The following UBXN2A variants were observed in gnomAD, a reference collection of about 807,000 sequenced individuals.
The protein encoded by UBXN2A is UBX domain-containing protein 2A.
UBXN2A carries 28 observed loss-of-function variants against 28.4 expected under a neutral mutation model. The ratio of observed to expected loss-of-function variants is 0.99; its 90% CI spans 0.73 to 1.35. The LOEUF is 1.35. UBXN2A is among the 40% of genes most tolerant of loss of function. UBXN2A has a pLI of 0.00. For synonymous variants in UBXN2A, 97 were observed against 103.6 expected (o/e 0.94, Z 0.39); for missense variants, 253 against 297.9 (o/e 0.85, Z 1.11).
At chr2:23,951,463 T>TATAC (rs1706367591) in intron 1 of UBXN2A, among the ~76,000 whole-genome samples, 1 of 129,686 alleles carries the variant, frequency 7.7e-6, no homozygotes, top group Non-Finnish European at 1.6e-5. Context: ...TATATATATA[T>TATAC]AGTTTTGTTT....
chr2:23,993,682 A>G lies in UBXN2A; in HGVS notation c.585-5990A>G, dbSNP rs537711815. ...TGCTTAGTATCTCTTAAATTTTTTT[A>G]ATTTTTTAATTTTTTTTTTTTTTCA... is the stretch of plus-strand genomic sequence containing the variant. On this transcript the variant is annotated intron_variant, in intron 6 of 6. Transcript: ENST00000309033. 1.0e-3 allele frequency among the ~76,000 whole-genome samples: 149 copies of G among 143,752 alleles called. 1 individual carries two copies. The highest frequency in any genetic ancestry group is 3.5e-3 in the African/African-American group (141 of 39,938). The allele number at this position is 143,752 out of a possible 152,430, so 94.3% of individuals were successfully genotyped here.
At chr2:23,977,108 A>T (rs1218958779) in intron 4 of UBXN2A, 33 bp downstream of exon 4, 1 of 1,561,602 alleles carries the variant, frequency 6.4e-7, no homozygotes, top group Non-Finnish European at 8.8e-7. Flanking sequence ...TCAAGCCTGT[A>T]AACCCAAAAC....
intron 1 of UBXN2A, among the ~76,000 whole-genome samples, chr2:23,947,176 A>G (rs928270676): frequency 6.6e-6 from 1 of 152,116 alleles, no homozygotes; most frequent in African/African-American, 2.4e-5. Context: ...GGGGTGCACC[A>G]CTGTGCCTGG....
At chr2:23,946,224 G>T (rs1291131111) in intron 1 of UBXN2A, among the ~76,000 whole-genome samples, 1 of 152,010 alleles carries the variant, frequency 6.6e-6, no homozygotes, top group East Asian at 1.9e-4. Flanking sequence ...TGCAATCTCA[G>T]TTCACTGCAA....
intron 1 of UBXN2A, among the ~76,000 whole-genome samples, chr2:23,928,382 C>T (rs1178337543): frequency 6.6e-6 from 1 of 152,074 alleles, no homozygotes; most frequent in African/African-American, 2.4e-5. Context: ...TCGAGACCAA[C>T]CTGGCCAACA....
intron 6 of UBXN2A, among the ~76,000 whole-genome samples, chr2:23,994,597 C>G (rs555074935): frequency 1.3e-3 from 205 of 152,294 alleles, no homozygotes; most frequent in African/African-American, 4.7e-3. Flanking sequence ...TTCTTACTTT[C>G]AATTCTACTG....
At chr2:23,977,128 C>A in intron 4 of UBXN2A, 53 bp downstream of exon 4, 1 of 1,448,500 alleles carries the variant, frequency 6.9e-7, no homozygotes, top group Non-Finnish European at 9.6e-7. Flanking sequence ...CTTTGGCAGG[C>A]TGTGGCGAGA....
At chr2:23,934,473 C>T (rs1357168332) in intron 1 of UBXN2A, among the ~76,000 whole-genome samples, 1 of 152,132 alleles carries the variant, frequency 6.6e-6, no homozygotes, top group Non-Finnish European at 1.5e-5. Flanking sequence ...AAGATGCTCA[C>T]TTGGTTTCTG....
intron 2 of UBXN2A, among the ~76,000 whole-genome samples, chr2:23,960,549 G>A (rs542620654): frequency 6.6e-5 from 10 of 152,034 alleles, no homozygotes; most frequent in South Asian, 2.1e-4. Context: ...GTCAATTTTC[G>A]CGCATTTATA....
rs1226802577 is a variant in UBXN2A, at chr2:24,003,410, A to G, written c.*3543A>G. 1.3e-5 allele frequency: 2 copies of G among 152,186 alleles called. No individual in the cohort carries two copies. The highest frequency in any genetic ancestry group is 2.9e-5 in the Non-Finnish European group (2 of 68,032). 9.4% of individuals were successfully genotyped at this position (152,186 alleles called of 1,614,324 possible). A position where few individuals can be genotyped will look rare whatever the true frequency, so the allele number is the denominator to read the frequency against. On this transcript the variant is annotated 3_prime_UTR_variant, in exon 7 of 7. Transcript: ENST00000309033. ...AGCACAGCCGAGACAAGGCTGGAAC[A>G]TTTAATTAAGGTTTTTACTAAGGAC...
At chr2:23,930,871 T>G (rs1367879921) in intron 1 of UBXN2A, among the ~76,000 whole-genome samples, 2 of 150,536 alleles carry the variant, frequency 1.3e-5, no homozygotes, top group Middle Eastern at 3.5e-3. Context: ...AAAATAAAAT[T>G]TAAAAAAAAA....
chr2:23,991,733 A>G (rs187224661), intron 6 of UBXN2A, among the ~76,000 whole-genome samples: 44 of 151,938 alleles, frequency 2.9e-4, no homozygotes, highest in Non-Finnish European at 5.3e-4. Flanking sequence ...TGGCCTCCCA[A>G]AGTGCTGGGA....
chr2:23,954,931 CTT>C (rs35139100), intron 1 of UBXN2A, among the ~76,000 whole-genome samples: 3,201 of 120,732 alleles, frequency 0.027, 51 homozygotes, highest in South Asian at 0.044. Context: ...GCTTGCCTAC[CTT>C]TTTTTTTTTT....
chr2:23,942,977 TTTTTGAGACGGAGTCTC>T (rs1213828885), intron 1 of UBXN2A, among the ~76,000 whole-genome samples: 1 of 152,082 alleles, frequency 6.6e-6, no homozygotes, highest in African/African-American at 2.4e-5. Context: ...CTTTTTTTTT[TTTTTGAGACGGAGTCTC>T]GCACAGGCAG....
chr2:23,978,373 G>GTGGCTCA (rs1414876996), intron 4 of UBXN2A, among the ~76,000 whole-genome samples: 1 of 152,194 alleles, frequency 6.6e-6, no homozygotes, highest in Non-Finnish European at 1.5e-5. Flanking sequence ...GCCGGGCACA[G>GTGGCTCA]TGGCTCATGC....
intron 1 of UBXN2A, among the ~76,000 whole-genome samples, chr2:23,945,044 C>T (rs1418486454): frequency 6.6e-6 from 1 of 151,880 alleles, no homozygotes; most frequent in East Asian, 1.9e-4. Context: ...AAGTCATGTA[C>T]CACTTTTTTC....
rs778807525 is a variant in UBXN2A at position 23,984,806 on chromosome 2, G to T, written c.559G>T (p.Val187Phe). ...CTGGTTGGCCAATGGAAAAAGGATT[G>T]TCCAGAAATTTAACATTACTCATAG... ...QIWLANGKRI[V>F]QKFNITHRVS... Residue 187 changes from valine (V) to phenylalanine (F), a missense_variant, in exon 6 of 7, where the codon GTC (valine) becomes TTC (phenylalanine). Coordinates refer to ENST00000309033, the MANE Select transcript of UBXN2A (RefSeq NM_181713.4). 16 of 1,555,868 alleles carry T rather than the reference G, an allele frequency of 1.0e-5. No homozygotes were observed. In the East Asian group the frequency reaches 3.9e-4, roughly 38 times the overall value.
At position 23,983,041 on chromosome 2, in the gene UBXN2A, T is replaced by A. The variant is rs935106377; in HGVS notation, c.425+8T>A. The A allele has an allele frequency of 6.3e-7, 1 of 1,590,906 alleles. No homozygotes were observed. The highest frequency in any genetic ancestry group is 8.6e-7 in the Non-Finnish European group (1 of 1,169,496). ...GGGTCACAGACTAGGAAGGTAAATA[T>A]GCCTATTGTCTTGTTTTGCATAGAT... On this transcript the variant is annotated splice_region_variant and intron_variant, in intron 5 of 6. Coordinates refer to ENST00000309033, the MANE Select transcript of UBXN2A (RefSeq NM_181713.4).
At position 23,999,911 on chromosome 2, in the gene UBXN2A, G is replaced by T. The variant is rs762603745; in HGVS notation, c.*44G>T. 1.9e-6 allele frequency: 3 copies of T among 1,589,688 alleles called. No homozygotes were observed. Among genetic ancestry groups the T allele is most frequent in the East Asian group, 2.2e-5 (1 of 44,626 alleles). ...GAAAATTTGCAGAGAAATGATGGTT[G>T]TAAGTGGACATGCAAACCAAAATTG... On this transcript the variant is annotated 3_prime_UTR_variant, in exon 7 of 7. Coordinates refer to ENST00000309033, the MANE Select transcript of UBXN2A (RefSeq NM_181713.4).
Sources: gnomAD v4.1 joint callset for allele counts (sites outside exome capture counted in the v4.1 genomes callset) on GRCh38, gnomAD v4.1.1 for gene constraint, MANE v1.5 for transcripts, NCBI Gene and HGNC (gene_info 2026-07-23, HGNC 2026-07-21) for gene names.